The following CSMD1 variants were observed in gnomAD, a reference collection of about 807,000 sequenced individuals.
CSMD1 encodes CUB and sushi domain-containing protein 1.
A neutral mutation model predicts 417.5 loss-of-function variants in CSMD1; 213 were observed. The ratio of observed to expected loss-of-function variants is 0.51; its 90% CI spans 0.46 to 0.57. CSMD1 has a LOEUF of 0.57. Among genes scored for constraint, CSMD1 ranks in the 20% least tolerant of loss-of-function variants. CSMD1 has a pLI of 0.00. For synonymous variants in CSMD1, 2,862 were observed against 1,736.8 expected (o/e 1.65, Z -16.11); for missense variants, 6,923 against 4,529.7 (o/e 1.53, Z -15.17).
chr8:3,116,831 G>A (rs1045034479), intron 42 of CSMD1, among the ~76,000 whole-genome samples: 31 of 151,944 alleles, frequency 2.0e-4, no homozygotes, highest in Non-Finnish European at 3.8e-4. Flanking sequence ...CAAATAAGAA[G>A]AGGTTTCAAT....
chr8:4,328,621 A>G lies in CSMD1; in HGVS notation c.415+91332T>C, dbSNP rs551836518. Among the ~76,000 whole-genome samples the G allele has an allele frequency of 1.7e-4, 26 of 151,512 alleles. 1 individual carries two copies. In the South Asian group the frequency reaches 5.2e-3, roughly 30 times the overall value. ...GAAGTCATTTTGTTTTGAAATATTTACCATGCTTACTTACCAAGAATAACA... is the reference window on the plus strand; with the variant it reads ...GAAGTCATTTTGTTTTGAAATATTTGCCATGCTTACTTACCAAGAATAACA... On this transcript the variant is annotated intron_variant, in intron 3 of 69. Transcript: ENST00000635120.
intron 21 of CSMD1, among the ~76,000 whole-genome samples, chr8:3,348,990 G>A (rs1214459597): frequency 6.6e-6 from 1 of 152,056 alleles, no homozygotes; most frequent in Non-Finnish European, 1.5e-5. Flanking sequence ...ATATACGGGT[G>A]CACACACACA....
intron 3 of CSMD1, among the ~76,000 whole-genome samples, chr8:4,139,753 C>T (rs1803667938): frequency 6.6e-6 from 1 of 151,100 alleles, no homozygotes; most frequent in Admixed American, 6.6e-5. Flanking sequence ...AAGAACCCAG[C>T]AGGGCACAAT....
At chr8:3,294,069 G>T (rs374918838) in intron 25 of CSMD1, among the ~76,000 whole-genome samples, 28 of 152,314 alleles carry the variant, frequency 1.8e-4, no homozygotes, top group African/African-American at 6.7e-4. Flanking sequence ...CTGCACATCT[G>T]TTGGAGTTTG....
At position 4,453,360 on chromosome 8, in the gene CSMD1, G is replaced by T. The variant is rs554700122; in HGVS notation, c.303-33295C>A. ...GGAACCAACTGCCCCAGTCTGCTGG[G>T]ATTGGGGGTCTCCTGGGCACAGAAC... On this transcript the variant is annotated intron_variant, in intron 2 of 69. Transcript: ENST00000635120. 1.8e-3 allele frequency among the ~76,000 whole-genome samples: 274 copies of T among 152,270 alleles called. 1 individual carries two copies. The highest frequency in any genetic ancestry group is 3.3e-3 in the Non-Finnish European group (224 of 68,028).
intron 27 of CSMD1, among the ~76,000 whole-genome samples, chr8:3,228,029 A>G (rs930390408): frequency 6.6e-6 from 1 of 152,128 alleles, no homozygotes; most frequent in Non-Finnish European, 1.5e-5. Flanking sequence ...TGGCCTCCTA[A>G]AGTGCTGGGA....
At chr8:4,114,600 C>G (rs1402137567) in intron 3 of CSMD1, among the ~76,000 whole-genome samples, 1 of 152,004 alleles carries the variant, frequency 6.6e-6, no homozygotes, top group African/African-American at 2.4e-5. Flanking sequence ...AGGGATTCTT[C>G]GATGGACTTG....
chr8:3,646,605 G>A (rs1340116862), intron 7 of CSMD1, among the ~76,000 whole-genome samples: 2 of 152,170 alleles, frequency 1.3e-5, no homozygotes, highest in African/African-American at 4.8e-5. Flanking sequence ...GTAGCAGTCA[G>A]GGAACCACTA....
chr8:3,792,264 G>A (rs1799792983), intron 5 of CSMD1, among the ~76,000 whole-genome samples: 1 of 152,070 alleles, frequency 6.6e-6, no homozygotes, highest in Admixed American at 6.5e-5. Flanking sequence ...CTACATGCCA[G>A]CCTGGGTGAC....
intron 3 of CSMD1, among the ~76,000 whole-genome samples, chr8:4,297,059 G>C (rs768468274): frequency 1.4e-5 from 2 of 144,318 alleles, no homozygotes; most frequent in African/African-American, 2.6e-5. Context: ...AAAAATGGTC[G>C]GATGGGTTAG....
At chr8:3,582,335 T>C (rs1383544012) in intron 9 of CSMD1, among the ~76,000 whole-genome samples, 2 of 152,162 alleles carry the variant, frequency 1.3e-5, no homozygotes, top group Non-Finnish European at 2.9e-5. Flanking sequence ...ATGAATCCAT[T>C]ATCGGAAGCA....
intron 3 of CSMD1, among the ~76,000 whole-genome samples, chr8:4,327,898 C>G (rs552097452): frequency 6.6e-6 from 1 of 152,220 alleles, no homozygotes; most frequent in Admixed American, 6.5e-5. Context: ...CTTTTGCTTC[C>G]AGGTCCCTAA....
At chr8:3,431,983 G>A (rs530874658) in intron 12 of CSMD1, among the ~76,000 whole-genome samples, 11 of 152,194 alleles carry the variant, frequency 7.2e-5, no homozygotes, top group African/African-American at 1.4e-4. Context: ...TCACAGACTC[G>A]AATGTGATCA....
At chr8:4,455,088 T>A (rs1327878414) in intron 2 of CSMD1, among the ~76,000 whole-genome samples, 3 of 152,142 alleles carry the variant, frequency 2.0e-5, no homozygotes. Flanking sequence ...TACAGGAATT[T>A]TTTCTTAAGG....
intron 48 of CSMD1, among the ~76,000 whole-genome samples, chr8:3,088,291 CACT>C (rs1306789081): frequency 2.0e-5 from 3 of 152,140 alleles, no homozygotes; most frequent in Non-Finnish European, 4.4e-5. Context: ...AAGGCGAGGT[CACT>C]ACTACACAAA....
intron 4 of CSMD1, among the ~76,000 whole-genome samples, chr8:4,022,495 G>C (rs187553440): frequency 2.6e-5 from 4 of 152,124 alleles, no homozygotes; most frequent in Non-Finnish European, 1.5e-5. Context: ...ACTTCCCTCC[G>C]AAGCAACATT....
chr8:4,194,719 T>C (rs975564062), intron 3 of CSMD1, among the ~76,000 whole-genome samples: 1 of 152,236 alleles, frequency 6.6e-6, no homozygotes, highest in Non-Finnish European at 1.5e-5. Context: ...GTTCTTCAAA[T>C]TATGCTTAAC....
intron 5 of CSMD1, among the ~76,000 whole-genome samples, chr8:3,875,204 G>A (rs2052279641): frequency 6.6e-6 from 1 of 152,102 alleles, no homozygotes; most frequent in Non-Finnish European, 1.5e-5. Context: ...GAACAGTGAG[G>A]CCATTCGGGA....
At chr8:4,467,998 G>C (rs1428521877) in intron 2 of CSMD1, among the ~76,000 whole-genome samples, 2 of 152,208 alleles carry the variant, frequency 1.3e-5, no homozygotes, top group Non-Finnish European at 2.9e-5. Flanking sequence ...CTAAGCTGTA[G>C]ATTTGTGTAG....
Sources: allele counts gnomAD v4.1 joint callset (sites outside exome capture counted in the v4.1 genomes callset), GRCh38; gene constraint gnomAD v4.1.1; transcripts MANE v1.5; gene names NCBI Gene and HGNC (gene_info 2026-07-23, HGNC 2026-07-21).